The following JAZF1 variants were observed in gnomAD, a reference collection of about 807,000 sequenced individuals.
JAZF1 encodes JAZF zinc finger 1.
A neutral mutation model predicts 26.4 loss-of-function variants in JAZF1; 8 were observed. The ratio of observed to expected loss-of-function variants is 0.30; its 90% CI spans 0.18 to 0.55. The LOEUF is 0.55. Ranked by LOEUF, JAZF1 falls within the 20% of genes least tolerant of loss-of-function variation. The probability of loss-of-function intolerance (pLI) is 0.94; values close to 1 mark genes in which losing one functional copy is unlikely to be tolerated. For missense variants in JAZF1, 199 were observed against 322.0 expected (o/e 0.62, Z 2.92); for synonymous variants, 126 against 122.3 (o/e 1.03, Z -0.20).
intron 1 of JAZF1, among the ~76,000 whole-genome samples, chr7:28,064,911 T>C (rs1583539787): frequency 6.6e-6 from 1 of 152,214 alleles, no homozygotes; most frequent in Non-Finnish European, 1.5e-5. Context: ...TTATTCATTA[T>C]ATAACTTTAG....
chr7:27,969,446 G>A (rs1008514384), intron 2 of JAZF1, among the ~76,000 whole-genome samples: 8 of 151,996 alleles, frequency 5.3e-5, no homozygotes, highest in East Asian at 3.9e-4. Context: ...GCTTCTCTGC[G>A]AATCCTTCTG....
At chr7:28,119,317 A>G (rs901745204) in intron 1 of JAZF1, among the ~76,000 whole-genome samples, 8 of 152,124 alleles carry the variant, frequency 5.3e-5, no homozygotes, top group Non-Finnish European at 1.0e-4. Context: ...TCTAAAACTA[A>G]CCATTAATAC....
chr7:28,125,135 A>G (rs1782674312), intron 1 of JAZF1, among the ~76,000 whole-genome samples: 1 of 140,642 alleles, frequency 7.1e-6, no homozygotes, highest in South Asian at 2.2e-4. Flanking sequence ...ATTATGGAAC[A>G]GGGAAGATTG....
chr7:28,080,028 T>A (rs986911230), intron 1 of JAZF1, among the ~76,000 whole-genome samples: 3 of 152,246 alleles, frequency 2.0e-5, no homozygotes, highest in African/African-American at 7.2e-5. Context: ...CTTTAAAAAG[T>A]ATATATCTTA....
At chr7:27,857,318 C>G (rs1039934103) in intron 3 of JAZF1, among the ~76,000 whole-genome samples, 7 of 152,220 alleles carry the variant, frequency 4.6e-5, no homozygotes, top group African/African-American at 1.7e-4. Flanking sequence ...CGGGGACCGC[C>G]GAGCCCACGC....
intron 1 of JAZF1, among the ~76,000 whole-genome samples, chr7:28,119,267 G>A (rs1331030523): frequency 3.9e-5 from 6 of 152,086 alleles, no homozygotes; most frequent in Non-Finnish European, 7.4e-5. Flanking sequence ...GCAAGTAAGT[G>A]CCTAATGGAG....
At chr7:27,837,349 T>C (rs554654120) in intron 4 of JAZF1, among the ~76,000 whole-genome samples, 1 of 152,336 alleles carries the variant, frequency 6.6e-6, no homozygotes, top group Non-Finnish European at 1.5e-5. Flanking sequence ...TCAGTGGTTG[T>C]GGCCTGGAAC....
At chr7:27,975,579 T>C (rs1011771979) in intron 2 of JAZF1, among the ~76,000 whole-genome samples, 1 of 152,138 alleles carries the variant, frequency 6.6e-6, no homozygotes, top group Non-Finnish European at 1.5e-5. Flanking sequence ...TTTGAGATAA[T>C]GAAAGTACAG....
chr7:27,901,406 A>T (rs537521695), intron 2 of JAZF1, among the ~76,000 whole-genome samples: 2 of 152,302 alleles, frequency 1.3e-5, no homozygotes, highest in South Asian at 4.1e-4. Flanking sequence ...ACAGGGGGAA[A>T]ATGTCAACTG....
intron 1 of JAZF1, among the ~76,000 whole-genome samples, chr7:28,165,990 T>C (rs1783361681): frequency 6.6e-6 from 1 of 151,922 alleles, no homozygotes; most frequent in South Asian, 2.1e-4. Flanking sequence ...TGTTGCTGCA[T>C]GAAAAATAAA....
At chr7:28,141,862 T>C (rs1782963953) in intron 1 of JAZF1, among the ~76,000 whole-genome samples, 1 of 152,232 alleles carries the variant, frequency 6.6e-6, no homozygotes, top group Admixed American at 6.5e-5. Flanking sequence ...CACTCTTTTC[T>C]AATTTCTTTT....
At chr7:27,870,246 C>G (rs1783557914) in intron 3 of JAZF1, among the ~76,000 whole-genome samples, 1 of 152,030 alleles carries the variant, frequency 6.6e-6, no homozygotes, top group African/African-American at 2.4e-5. Context: ...TTAGAAAGCC[C>G]CCATAAGCTC....
intron 3 of JAZF1, among the ~76,000 whole-genome samples, chr7:27,892,020 C>T (rs1428519511): frequency 2.0e-5 from 3 of 152,080 alleles, no homozygotes; most frequent in Non-Finnish European, 4.4e-5. Flanking sequence ...GGGAATGCAC[C>T]ATGAATATAG....
intron 1 of JAZF1, among the ~76,000 whole-genome samples, chr7:28,086,566 G>C (rs2127919077): frequency 6.6e-6 from 1 of 152,316 alleles, no homozygotes; most frequent in South Asian, 2.1e-4. Context: ...CACAGTCCCA[G>C]GGTAACAGAG....
intron 1 of JAZF1, among the ~76,000 whole-genome samples, chr7:28,037,609 G>A (rs562988851): frequency 1.3e-5 from 2 of 152,294 alleles, no homozygotes; most frequent in South Asian, 2.1e-4. Flanking sequence ...GAAAGAAAGG[G>A]AAGGAATTTT....
At chr7:28,124,673 G>C (rs1042077555) in intron 1 of JAZF1, among the ~76,000 whole-genome samples, 1 of 152,128 alleles carries the variant, frequency 6.6e-6, no homozygotes, top group Admixed American at 6.5e-5. Context: ...ATTCCATTTT[G>C]CTTTTCTTAG....
At chr7:27,920,513 C>T (rs564076598) in intron 2 of JAZF1, among the ~76,000 whole-genome samples, 3 of 152,154 alleles carry the variant, frequency 2.0e-5, no homozygotes, top group Non-Finnish European at 2.9e-5. Context: ...TGTCATATGG[C>T]GTGTCAAACA....
At position 28,095,713 on chromosome 7, in the gene JAZF1, C is replaced by T. The variant is rs191186861; in HGVS notation, c.115+84750G>A. ...TCCAACAGGTAATCATGGTCCCCTC[C>T]GCTGAACGTCAAATCCCTGTGAGAT... is the stretch of plus-strand genomic sequence containing the variant. On this transcript the variant is annotated intron_variant, in intron 1 of 4. Transcript: ENST00000283928. Among the ~76,000 whole-genome samples, 28 of 152,292 alleles carry T rather than the reference C, an allele frequency of 1.8e-4. No individual in the cohort carries two copies. In the East Asian group the frequency reaches 4.8e-3, roughly 26 times the overall value.
chr7:28,108,215 T>C (rs931349135), intron 1 of JAZF1, among the ~76,000 whole-genome samples: 3 of 152,194 alleles, frequency 2.0e-5, no homozygotes, highest in Non-Finnish European at 4.4e-5. Flanking sequence ...GGCATTACAT[T>C]TTCCTAGTCG....
Sources: allele counts gnomAD v4.1 joint callset (sites outside exome capture counted in the v4.1 genomes callset), GRCh38; gene constraint gnomAD v4.1.1; transcripts MANE v1.5; gene names NCBI Gene and HGNC (gene_info 2026-07-23, HGNC 2026-07-21).